SCFD2: variants seen among roughly 807,000 people sequenced by gnomAD.
SCFD2 encodes sec1 family domain containing 2, also known as sec1 family domain-containing protein 2.
A neutral mutation model predicts 58.9 loss-of-function variants in SCFD2; 54 were observed. That is an observed-to-expected ratio of 0.92 (90% CI 0.74 to 1.15). The LOEUF is 1.15. Among genes scored for constraint, SCFD2 ranks in the 50% most tolerant of loss-of-function variants. SCFD2 has a pLI of 0.00. For synonymous variants in SCFD2, 321 were observed against 335.9 expected (o/e 0.96, Z 0.49); for missense variants, 805 against 836.6 (o/e 0.96, Z 0.47).
intron 4 of SCFD2, among the ~76,000 whole-genome samples, chr4:53,195,101 C>A (rs778508988): frequency 7.2e-5 from 11 of 152,086 alleles, no homozygotes; most frequent in Non-Finnish European, 1.2e-4. Context: ...GTTACAAGGA[C>A]CGGCTCTGCC....
intron 3 of SCFD2, among the ~76,000 whole-genome samples, chr4:53,302,723 A>G (rs1303347164): frequency 6.6e-6 from 1 of 152,206 alleles, no homozygotes; most frequent in Non-Finnish European, 1.5e-5. Flanking sequence ...ACAGTCACCA[A>G]AACAGCACGG....
intron 4 of SCFD2, among the ~76,000 whole-genome samples, chr4:53,193,467 T>C (rs1398630333): frequency 6.6e-6 from 1 of 152,204 alleles, no homozygotes; most frequent in Non-Finnish European, 1.5e-5. Context: ...CACTTAAATC[T>C]ATGGACTTCA....
At position 53,269,431 on chromosome 4, in the gene SCFD2, T is replaced by C. The variant is rs540486183; in HGVS notation, c.1311+4395A>G. ...AGAAATATGTTTTAAAATGGTATAA[T>C]TGGTAAATTCACAATCATTGTGAGT... On this transcript the variant is annotated intron_variant, in intron 4 of 8. Transcript: ENST00000401642. Among the ~76,000 whole-genome samples the C allele has an allele frequency of 1.4e-4, 21 of 152,148 alleles. No homozygotes were observed. In the South Asian group the frequency reaches 3.7e-3, roughly 27 times the overall value.
chr4:53,220,621 C>T (rs1005010653), intron 4 of SCFD2, among the ~76,000 whole-genome samples: 4 of 152,188 alleles, frequency 2.6e-5, no homozygotes, highest in African/African-American at 7.2e-5. Context: ...CATAGACACA[C>T]AGCACACAAG....
At chr4:53,302,731 C>T (rs781757749) in intron 3 of SCFD2, among the ~76,000 whole-genome samples, 17 of 152,196 alleles carry the variant, frequency 1.1e-4, no homozygotes, top group South Asian at 2.1e-4. Flanking sequence ...CAAAACAGCA[C>T]GGTACTGGTA....
chr4:53,339,396 T>C (rs1733790366), intron 2 of SCFD2, among the ~76,000 whole-genome samples: 1 of 151,072 alleles, frequency 6.6e-6, no homozygotes. Context: ...TTACATAATA[T>C]ATGTATACAA....
intron 2 of SCFD2, among the ~76,000 whole-genome samples, chr4:53,349,222 T>A (rs1467899528): frequency 2.0e-5 from 3 of 152,210 alleles, no homozygotes; most frequent in Admixed American, 2.0e-4. Context: ...TTTAGGCCAA[T>A]GCCCTCATTT....
At chr4:52,961,437 C>A (rs1422676422) in intron 5 of SCFD2, among the ~76,000 whole-genome samples, 1 of 152,206 alleles carries the variant, frequency 6.6e-6, no homozygotes, top group African/African-American at 2.4e-5. Flanking sequence ...AGACCTATCC[C>A]TGGCCTTTTA....
intron 4 of SCFD2, among the ~76,000 whole-genome samples, chr4:53,204,226 C>T (rs1177154051): frequency 6.6e-6 from 1 of 151,892 alleles, no homozygotes; most frequent in Non-Finnish European, 1.5e-5. Context: ...CTGGAACTAT[C>T]CAATATCTGC....
intron 4 of SCFD2, among the ~76,000 whole-genome samples, chr4:53,154,564 T>C (rs1259492315): frequency 6.6e-6 from 1 of 152,116 alleles, no homozygotes; most frequent in Non-Finnish European, 1.5e-5. Context: ...GGGGCAAATA[T>C]CCAAACTATA....
chr4:52,877,009 G>A (rs1301347116), intron 8 of SCFD2, among the ~76,000 whole-genome samples: 7 of 152,124 alleles, frequency 4.6e-5, no homozygotes, highest in Non-Finnish European at 4.4e-5. Flanking sequence ...GGGCCTGAGG[G>A]CTAGGGTACG....
rs1718411473 is a variant in SCFD2, at chr4:52,874,024, T to C, written c.2000A>G (p.Asn667Ser). The change falls in exon 9 of 9, where the codon AAC becomes AGC. Residue 667 changes from asparagine (N) to serine (S), a missense_variant. This residue lies in a region of SCFD2 where 633 missense variants were observed against 646.8 expected (regional missense o/e 0.98). Coordinates refer to ENST00000401642, the MANE Select transcript of SCFD2 (RefSeq NM_152540.4). ...AGTTGCAAATAACAGCTCAGGAATGTTAAGTGGCTTCAGGAGTCGTGTGGA... is the reference window on the plus strand; with the variant it reads ...AGTTGCAAATAACAGCTCAGGAATGCTAAGTGGCTTCAGGAGTCGTGTGGA... Reference protein sequence around the residue: ...VLSTRLLKPLNIPELLFATDR... With the variant: ...VLSTRLLKPLSIPELLFATDR... The C allele has an allele frequency of 6.2e-7, 1 of 1,614,096 alleles. No homozygotes were observed. Among genetic ancestry groups the C allele is most frequent in the East Asian group, 2.2e-5 (1 of 44,880 alleles).
At chr4:53,258,573 T>TATATATATAC (rs1730730085) in intron 4 of SCFD2, among the ~76,000 whole-genome samples, 1 of 134,448 alleles carries the variant, frequency 7.4e-6, no homozygotes, top group Admixed American at 7.3e-5. Flanking sequence ...TATATATATA[T>TATATATATAC]ATATACACAC....
chr4:53,218,457 G>C (rs151251932), intron 4 of SCFD2, among the ~76,000 whole-genome samples: 1 of 152,020 alleles, frequency 6.6e-6, no homozygotes, highest in Non-Finnish European at 1.5e-5. Flanking sequence ...TTGTGCATTC[G>C]TCACATGGTT....
intron 5 of SCFD2, among the ~76,000 whole-genome samples, chr4:53,144,987 C>T (rs375492086): frequency 3.9e-5 from 6 of 152,164 alleles, no homozygotes; most frequent in Non-Finnish European, 5.9e-5. Context: ...GTCAGATCAG[C>T]GGCAGCATTC....
intron 4 of SCFD2, among the ~76,000 whole-genome samples, chr4:53,189,412 G>A (rs770775410): frequency 1.3e-5 from 2 of 152,196 alleles, no homozygotes; most frequent in Non-Finnish European, 2.9e-5. Context: ...TCCCTCCCCA[G>A]TTGATCTACC....
At chr4:53,295,901 G>T (rs1732013470) in intron 3 of SCFD2, among the ~76,000 whole-genome samples, 1 of 152,150 alleles carries the variant, frequency 6.6e-6, no homozygotes, top group African/African-American at 2.4e-5. Flanking sequence ...TAATCATGTG[G>T]TTTTTGTCAT....
intron 3 of SCFD2, among the ~76,000 whole-genome samples, chr4:53,277,776 G>A (rs1026848499): frequency 2.0e-5 from 3 of 152,192 alleles, no homozygotes; most frequent in Admixed American, 6.5e-5. Flanking sequence ...GTCCAGGCTC[G>A]GCGCGGTGGC....
intron 7 of SCFD2, among the ~76,000 whole-genome samples, chr4:52,891,718 T>C (rs1718882488): frequency 6.6e-6 from 1 of 152,280 alleles, no homozygotes; most frequent in Non-Finnish European, 1.5e-5. Context: ...CAGAGCCTTG[T>C]GGGACTTACT....
Sources: allele counts gnomAD v4.1 joint callset (sites outside exome capture counted in the v4.1 genomes callset), GRCh38; gene constraint gnomAD v4.1.1; regional missense constraint gnomAD v4.1.1; transcripts MANE v1.5; gene names NCBI Gene and HGNC (gene_info 2026-07-23, HGNC 2026-07-21).